The following GFOD2 variants were observed in gnomAD, a reference collection of about 807,000 sequenced individuals.
GFOD2 encodes the protein Gfo/Idh/MocA-like oxidoreductase domain containing 2.
In GFOD2, 9 loss-of-function variants were observed where a neutral mutation model predicts 24.6. That is an observed-to-expected ratio of 0.37 (90% confidence interval 0.22 to 0.64). GFOD2 has a LOEUF of 0.64. GFOD2 is among the 30% of genes least tolerant of loss of function. GFOD2 has a pLI of 0.65. For missense variants in GFOD2, 476 were observed against 532.5 expected (o/e 0.89, Z 1.04); for synonymous variants, 211 against 224.8 (o/e 0.94, Z 0.55).
chr16:67,689,419 C>A (rs186281182), intron 1 of GFOD2, among the ~76,000 whole-genome samples: 1 of 151,352 alleles, frequency 6.6e-6, no homozygotes, highest in African/African-American at 2.4e-5. Context: ...GCCTGTAATC[C>A]CAGCACTTTG....
At chr16:67,705,207 GTTTT>G (rs1438714345) in intron 1 of GFOD2, among the ~76,000 whole-genome samples, 1 of 152,072 alleles carries the variant, frequency 6.6e-6, no homozygotes, top group Non-Finnish European at 1.5e-5. Context: ...TCACCTGCCA[GTTTT>G]TTCTTTTCTT....
At chr16:67,695,696 T>C (rs2142995603) in intron 1 of GFOD2, among the ~76,000 whole-genome samples, 1 of 151,640 alleles carries the variant, frequency 6.6e-6, no homozygotes, top group East Asian at 2.0e-4. Context: ...CCACCATACC[T>C]GGCTAATTTT....
At chr16:67,676,365 C>T (rs564259384) in intron 2 of GFOD2, 47 of 317,706 alleles carry the variant, frequency 1.5e-4, no homozygotes, top group African/African-American at 1.0e-3. Context: ...GATCCTCCTG[C>T]CTTGGCCTCC....
chr16:67,708,508 C>T (rs1325778493), intron 1 of GFOD2, among the ~76,000 whole-genome samples: 2 of 152,196 alleles, frequency 1.3e-5, no homozygotes, highest in Non-Finnish European at 2.9e-5. Context: ...CCTCACCACT[C>T]ATGAACAACT....
At chr16:67,703,856 T>C (rs1053461920) in intron 1 of GFOD2, among the ~76,000 whole-genome samples, 8 of 152,202 alleles carry the variant, frequency 5.3e-5, no homozygotes, top group African/African-American at 1.4e-4. Flanking sequence ...ATTACCCATG[T>C]GCCCAGCCCC....
intron 2 of GFOD2, chr16:67,676,348 C>A: frequency 2.9e-6 from 1 of 348,496 alleles, no homozygotes; most frequent in Non-Finnish European, 5.2e-6. Context: ...CTAGGCAGGG[C>A]CCAAGTGATC....
chr16:67,707,290 G>A (rs111249250), intron 1 of GFOD2, among the ~76,000 whole-genome samples: 309 of 151,486 alleles, frequency 2.0e-3, no homozygotes, highest in Non-Finnish European at 3.5e-3. Flanking sequence ...CCCAGGAGGC[G>A]GAGGTTGCAG....
chr16:67,709,832 T>G (rs1597804659), intron 1 of GFOD2, among the ~76,000 whole-genome samples: 1 of 152,156 alleles, frequency 6.6e-6, no homozygotes, highest in East Asian at 1.9e-4. Context: ...CCCAGGCTGG[T>G]CTTGAGGCTG....
chr16:67,716,891 G>A (rs2053510508), intron 1 of GFOD2, among the ~76,000 whole-genome samples: 1 of 152,140 alleles, frequency 6.6e-6, no homozygotes, highest in African/African-American at 2.4e-5. Flanking sequence ...CCAAGACAAA[G>A]TTTTCTTCTT....
chr16:67,678,099 C>T (rs2053195823), intron 2 of GFOD2, among the ~76,000 whole-genome samples: 1 of 152,240 alleles, frequency 6.6e-6, no homozygotes, highest in Non-Finnish European at 1.5e-5. Context: ...CACACAGGCT[C>T]AGGAGGGGCC....
intron 1 of GFOD2, among the ~76,000 whole-genome samples, chr16:67,702,712 G>A (rs911231967): frequency 6.8e-6 from 1 of 147,076 alleles, no homozygotes; most frequent in African/African-American, 2.5e-5. Flanking sequence ...TGATTCTCCT[G>A]CCTCAACCTC....
At chr16:67,695,660 C>T (rs575878679) in intron 1 of GFOD2, among the ~76,000 whole-genome samples, 20 of 151,550 alleles carry the variant, frequency 1.3e-4, no homozygotes, top group Admixed American at 3.9e-4. Flanking sequence ...CTCAGCCTCC[C>T]GAGTAGCTGG....
At chr16:67,716,482 ACAC>A (rs2053507909) in intron 1 of GFOD2, among the ~76,000 whole-genome samples, 1 of 152,204 alleles carries the variant, frequency 6.6e-6, no homozygotes, top group African/African-American at 2.4e-5. Context: ...TCCACAGGTC[ACAC>A]CACAGCCGTA....
intron 2 of GFOD2, chr16:67,681,116 T>G (rs2053222127): frequency 1.0e-6 from 1 of 985,348 alleles, no homozygotes; most frequent in Non-Finnish European, 1.2e-6. Flanking sequence ...GGGTGAATTT[T>G]GCCATTTGGC....
At chr16:67,708,146 T>C (rs771351464) in intron 1 of GFOD2, among the ~76,000 whole-genome samples, 3 of 152,232 alleles carry the variant, frequency 2.0e-5, no homozygotes, top group Non-Finnish European at 2.9e-5. Context: ...GTGTTTTTAA[T>C]TGTATGTAAA....
intron 2 of GFOD2, among the ~76,000 whole-genome samples, chr16:67,679,886 C>CAA (rs796132935): frequency 5.0e-5 from 6 of 121,202 alleles, no homozygotes; most frequent in Admixed American, 8.6e-5. Context: ...GACTTCGTCT[C>CAA]AAAAAAAAAA....
chr16:67,718,037 CTT>C (rs1415175284), intron 1 of GFOD2, among the ~76,000 whole-genome samples: 1 of 152,204 alleles, frequency 6.6e-6, no homozygotes. Context: ...CCTTAAAACT[CTT>C]TTGTTCTCTA....
intron 1 of GFOD2, among the ~76,000 whole-genome samples, chr16:67,687,147 C>CAAAAA (rs555830977): frequency 1.8e-4 from 9 of 49,208 alleles, no homozygotes; most frequent in African/African-American, 2.2e-4. Context: ...GACTCCGTCA[C>CAAAAA]AAAAAAAAAA....
intron 1 of GFOD2, among the ~76,000 whole-genome samples, chr16:67,702,412 T>C (rs1325835870): frequency 6.6e-6 from 1 of 151,570 alleles, no homozygotes; most frequent in Non-Finnish European, 1.5e-5. Context: ...AGGCAGAGGT[T>C]GCAGTGAACA....
Sources: allele counts gnomAD v4.1 joint callset (sites outside exome capture counted in the v4.1 genomes callset), GRCh38; gene constraint gnomAD v4.1.1; transcripts MANE v1.5; gene names NCBI Gene and HGNC (gene_info 2026-07-23, HGNC 2026-07-21).